ZNF521: variants seen among roughly 807,000 people sequenced by gnomAD.
ZNF521 encodes the protein LYST-interacting protein 3.
ZNF521 carries 14 observed loss-of-function variants against 105.5 expected under a neutral mutation model. That is an observed-to-expected ratio of 0.13 (90% confidence interval 0.09 to 0.21). The LOEUF (loss-of-function observed/expected upper bound fraction) is 0.21. ZNF521 is among the 10% of genes least tolerant of loss of function. ZNF521 has a pLI of 1.00. For missense variants in ZNF521, 1,233 were observed against 1,629.7 expected (o/e 0.76, Z 4.19); for synonymous variants, 635 against 606.0 (o/e 1.05, Z -0.70).
chr18:25,345,913 G>T (rs1199833587), intron 2 of ZNF521, among the ~76,000 whole-genome samples: 1 of 152,082 alleles, frequency 6.6e-6, no homozygotes, highest in African/African-American at 2.4e-5. Flanking sequence ...TAGCATACAA[G>T]TCCAAAAGTA....
intron 4 of ZNF521, among the ~76,000 whole-genome samples, chr18:25,206,703 C>G (rs1192652374): frequency 6.6e-6 from 1 of 152,090 alleles, no homozygotes; most frequent in Non-Finnish European, 1.5e-5. Flanking sequence ...TCTCCATATT[C>G]TTATTCTGGG....
At chr18:25,174,265 A>T (rs1013974078) in intron 5 of ZNF521, among the ~76,000 whole-genome samples, 1 of 152,194 alleles carries the variant, frequency 6.6e-6, no homozygotes, top group African/African-American at 2.4e-5. Flanking sequence ...TTCGAGGAGC[A>T]CTAACTCTGA....
chr18:25,128,123 G>A (rs778631509), intron 5 of ZNF521, among the ~76,000 whole-genome samples: 33 of 151,640 alleles, frequency 2.2e-4, no homozygotes, highest in Non-Finnish European at 4.0e-4. Flanking sequence ...CAATTATACC[G>A]TATGACCCAG....
chr18:25,195,624 A>G lies in ZNF521; in HGVS notation c.3574-380T>C, dbSNP rs150088909. Reference sequence around the variant, plus strand: ...ACCAGTGTCTTTGAAGATCAGGCACAATTTCATTCTGACCAACATAACTGG... The same window carrying G: ...ACCAGTGTCTTTGAAGATCAGGCACGATTTCATTCTGACCAACATAACTGG... On this transcript the variant is annotated intron_variant, in intron 4 of 7. Coordinates refer to ENST00000361524, the MANE Select transcript of ZNF521 (RefSeq NM_015461.3). Among the ~76,000 whole-genome samples, 1,207 of 151,898 alleles carry G rather than the reference A, an allele frequency of 7.9e-3. 17 individuals carry two copies. Among genetic ancestry groups the G allele is most frequent in the African/African-American group, 0.028 (1,147 of 41,536 alleles).
At chr18:25,290,014 GAC>G (rs1205917354) in intron 3 of ZNF521, among the ~76,000 whole-genome samples, 1 of 152,016 alleles carries the variant, frequency 6.6e-6, no homozygotes, top group Non-Finnish European at 1.5e-5. Context: ...GCAAAAAAAA[GAC>G]AAAAAGCAAT....
intron 3 of ZNF521, among the ~76,000 whole-genome samples, chr18:25,293,723 A>C (rs1039906659): frequency 2.0e-5 from 3 of 152,126 alleles, no homozygotes; most frequent in African/African-American, 7.2e-5. Flanking sequence ...AAAATAAATC[A>C]ATTTGGCAAT....
At chr18:25,314,350 C>G (rs1912486981) in intron 3 of ZNF521, among the ~76,000 whole-genome samples, 1 of 152,130 alleles carries the variant, frequency 6.6e-6, no homozygotes, top group South Asian at 2.1e-4. Flanking sequence ...TTTGCCACAA[C>G]CATATGACAC....
rs538897787 is a variant in ZNF521 at position 25,249,689 on chromosome 18, T to C, written c.221-21992A>G. 2.0e-5 allele frequency among the ~76,000 whole-genome samples: 3 copies of C among 152,202 alleles called. No homozygotes were observed. In the South Asian group the frequency reaches 6.2e-4, roughly 32 times the overall value. ...GTTGGCCAGGCTGATCTCGAACTCC[T>C]GACCTCAAGTGATCTGCTCACCTCA... On this transcript the variant is annotated intron_variant, in intron 3 of 7. Coordinates refer to ENST00000361524, the MANE Select transcript of ZNF521 (RefSeq NM_015461.3).
At chr18:25,097,052 C>G (rs1316299285) in intron 5 of ZNF521, among the ~76,000 whole-genome samples, 3 of 152,158 alleles carry the variant, frequency 2.0e-5, no homozygotes, top group African/African-American at 7.2e-5. Flanking sequence ...TTTGCTTCTC[C>G]TCTTCCTTGA....
chr18:25,237,710 G>C (rs892820347), intron 3 of ZNF521, among the ~76,000 whole-genome samples: 1 of 152,186 alleles, frequency 6.6e-6, no homozygotes, highest in Non-Finnish European at 1.5e-5. Context: ...AATACTGTCT[G>C]TACCAAAGGG....
intron 3 of ZNF521, among the ~76,000 whole-genome samples, chr18:25,259,481 T>C (rs1223993009): frequency 6.6e-6 from 1 of 152,116 alleles, no homozygotes; most frequent in African/African-American, 2.4e-5. Context: ...GGGGATCAGA[T>C]TAGTTCATCT....
chr18:25,254,092 C>A (rs1908304937), intron 3 of ZNF521, among the ~76,000 whole-genome samples: 1 of 152,094 alleles, frequency 6.6e-6, no homozygotes, highest in Non-Finnish European at 1.5e-5. Flanking sequence ...AAATTAAGTT[C>A]TTTGCCTAAA....
At chr18:25,350,984 C>T (rs985304762) in intron 1 of ZNF521, 37 bp from the exon 2 acceptor site, 7 of 1,531,798 alleles carry the variant, frequency 4.6e-6, no homozygotes, top group East Asian at 2.6e-5. Context: ...CAATTCAGCC[C>T]TGAAAGAAAC....
chr18:25,083,194 G>A (rs2033541883), intron 7 of ZNF521, among the ~76,000 whole-genome samples: 1 of 152,164 alleles, frequency 6.6e-6, no homozygotes, highest in Non-Finnish European at 1.5e-5. Context: ...TACATGTTTA[G>A]TTTTGTAGTT....
intron 5 of ZNF521, among the ~76,000 whole-genome samples, chr18:25,133,906 C>T (rs1009385943): frequency 5.3e-5 from 8 of 152,046 alleles, no homozygotes; most frequent in Non-Finnish European, 8.8e-5. Flanking sequence ...TCAAAAATAG[C>T]TGTGTTTAAT....
At chr18:25,318,803 A>G (rs1912776448) in intron 3 of ZNF521, among the ~76,000 whole-genome samples, 1 of 152,158 alleles carries the variant, frequency 6.6e-6, no homozygotes, top group South Asian at 2.1e-4. Context: ...TGAGTGTATT[A>G]TATATTATAG....
intron 5 of ZNF521, among the ~76,000 whole-genome samples, chr18:25,139,942 C>T (rs963335928): frequency 5.3e-5 from 8 of 152,100 alleles, no homozygotes; most frequent in South Asian, 2.1e-4. Context: ...GTAAGGTACA[C>T]GGAAACAAGC....
At chr18:25,193,862 T>C (rs548099199) in intron 5 of ZNF521, among the ~76,000 whole-genome samples, 45 of 152,040 alleles carry the variant, frequency 3.0e-4, no homozygotes, top group African/African-American at 1.1e-3. Flanking sequence ...TTAGCTGTTA[T>C]GTATAAGTTC....
intron 5 of ZNF521, among the ~76,000 whole-genome samples, chr18:25,122,962 T>G (rs932716389): frequency 1.3e-5 from 2 of 152,124 alleles, no homozygotes; most frequent in Admixed American, 6.5e-5. Flanking sequence ...GTGTTTTGGT[T>G]TGGTCAAATA....
Sources: allele counts gnomAD v4.1 joint callset (sites outside exome capture counted in the v4.1 genomes callset), GRCh38; gene constraint gnomAD v4.1.1; transcripts MANE v1.5; gene names NCBI Gene and HGNC (gene_info 2026-07-23, HGNC 2026-07-21).